Variants in SNTG1 observed in about 807,000 individuals in gnomAD.
SNTG1 encodes the protein gamma-1-syntrophin.
A neutral mutation model predicts 74.7 loss-of-function variants in SNTG1; 39 were observed. The ratio of observed to expected loss-of-function variants is 0.52; its 90% CI spans 0.40 to 0.68. The LOEUF (loss-of-function observed/expected upper bound fraction) is 0.68, where lower values mean the gene tolerates loss of function less well. SNTG1 is among the 30% of genes least tolerant of loss of function. The pLI is 0.00. For synonymous variants in SNTG1, 254 were observed against 217.1 expected (o/e 1.17, Z -1.49); for missense variants, 685 against 609.5 (o/e 1.12, Z -1.30).
At chr8:50,061,079 A>G (rs1032057330) in intron 1 of SNTG1, among the ~76,000 whole-genome samples, 5 of 152,112 alleles carry the variant, frequency 3.3e-5, no homozygotes, top group Non-Finnish European at 7.4e-5. Context: ...TTGGAAAATG[A>G]TCTCTTCTTT....
chr8:50,598,134 A>C (rs1485432386), intron 13 of SNTG1, among the ~76,000 whole-genome samples: 1 of 147,010 alleles, frequency 6.8e-6, no homozygotes, highest in African/African-American at 2.5e-5. Flanking sequence ...TATTTTAAAA[A>C]CTCCTTGCCC....
At chr8:49,945,736 A>G (rs146133600) in intron 1 of SNTG1, among the ~76,000 whole-genome samples, 11 of 152,212 alleles carry the variant, frequency 7.2e-5, no homozygotes, top group African/African-American at 2.4e-4. Flanking sequence ...GCACACAGGC[A>G]CTGAAGGCCT....
chr8:49,962,934 G>A (rs971926), intron 1 of SNTG1, among the ~76,000 whole-genome samples: 97,577 of 152,044 alleles, frequency 0.64, 35,409 homozygotes, highest in East Asian at 0.86. Context: ...GTTTGTAGCA[G>A]GGAGGCAGGC....
intron 17 of SNTG1, among the ~76,000 whole-genome samples, chr8:50,740,684 G>A (rs550304096): frequency 5.7e-4 from 86 of 152,032 alleles, no homozygotes; most frequent in Middle Eastern, 3.2e-3. Context: ...AAAGAGAGAT[G>A]CACAAGTATG....
chr8:50,783,174 C>T (rs376647280), intron 18 of SNTG1, among the ~76,000 whole-genome samples: 1 of 152,192 alleles, frequency 6.6e-6, no homozygotes. Flanking sequence ...AGGCAGTCTG[C>T]CCATTCTCAG....
chr8:50,527,092 T>G (rs1280954869), intron 9 of SNTG1, among the ~76,000 whole-genome samples: 3 of 152,202 alleles, frequency 2.0e-5, no homozygotes, highest in Non-Finnish European at 2.9e-5. Flanking sequence ...TCCTGATGAC[T>G]AATAATAATT....
chr8:50,323,166 A>T (rs2090599143), intron 2 of SNTG1, among the ~76,000 whole-genome samples: 1 of 151,698 alleles, frequency 6.6e-6, no homozygotes, highest in Non-Finnish European at 1.5e-5. Flanking sequence ...GCATTTTTCA[A>T]CTCCAAAATT....
At chr8:50,296,112 C>A (rs148164357) in intron 2 of SNTG1, among the ~76,000 whole-genome samples, 2 of 152,044 alleles carry the variant, frequency 1.3e-5, no homozygotes, top group Non-Finnish European at 2.9e-5. Flanking sequence ...ATGGAGAACA[C>A]CATGTTCTGC....
chr8:49,969,387 C>CTTTTT (rs575026898), intron 1 of SNTG1, among the ~76,000 whole-genome samples: 2 of 47,152 alleles, frequency 4.2e-5, no homozygotes, highest in African/African-American at 5.5e-5. Flanking sequence ...TTCATTTAAT[C>CTTTTT]TTTTTTTTTT....
intron 1 of SNTG1, among the ~76,000 whole-genome samples, chr8:50,155,921 C>A (rs529179049): frequency 1.2e-4 from 18 of 151,264 alleles, no homozygotes; most frequent in African/African-American, 4.4e-4. Flanking sequence ...ACAGAAAAAT[C>A]ACAATTTGTC....
chr8:50,073,962 T>C (rs182197865), intron 1 of SNTG1, among the ~76,000 whole-genome samples: 1 of 150,438 alleles, frequency 6.6e-6, no homozygotes, highest in East Asian at 1.9e-4. Flanking sequence ...CGCATCCTTC[T>C]TAAGGGCCCT....
intron 18 of SNTG1, among the ~76,000 whole-genome samples, chr8:50,760,289 A>T (rs1268371019): frequency 1.3e-5 from 2 of 152,104 alleles, no homozygotes; most frequent in African/African-American, 4.8e-5. Context: ...TCATCTGCAA[A>T]CAGAAATATT....
intron 18 of SNTG1, among the ~76,000 whole-genome samples, chr8:50,770,496 C>G (rs760989155): frequency 6.6e-6 from 1 of 151,986 alleles, no homozygotes; most frequent in Non-Finnish European, 1.5e-5. Context: ...TAAGACCCAG[C>G]ACCTCAGAAC....
chr8:50,188,064 T>C (rs978104425), intron 2 of SNTG1, among the ~76,000 whole-genome samples: 1 of 152,166 alleles, frequency 6.6e-6, no homozygotes, highest in Non-Finnish European at 1.5e-5. Flanking sequence ...CTGGCTGACA[T>C]CAACAGAACA....
chr8:50,322,612 A>G (rs1222217890), intron 2 of SNTG1, among the ~76,000 whole-genome samples: 1 of 152,084 alleles, frequency 6.6e-6, no homozygotes, highest in African/African-American at 2.4e-5. Flanking sequence ...ATTCCTTTGA[A>G]TAATTGTTCT....
chr8:50,307,442 A>G (rs2089946844), intron 2 of SNTG1, among the ~76,000 whole-genome samples: 1 of 151,888 alleles, frequency 6.6e-6, no homozygotes, highest in Non-Finnish European at 1.5e-5. Flanking sequence ...TATTTTCTCC[A>G]TTTATTTTTT....
rs992121552 is a variant in SNTG1 at position 50,091,350 on chromosome 8, A to G, written c.-102-81211A>G. On this transcript the variant is annotated intron_variant, in intron 1 of 18. Transcript: ENST00000642720. Reference sequence around the variant, plus strand: ...TACTCTTTTAGCAAACTTCCAGTATATAATACAGTATTACTAATCATAGTC... The same window carrying G: ...TACTCTTTTAGCAAACTTCCAGTATGTAATACAGTATTACTAATCATAGTC... Among the ~76,000 whole-genome samples the G allele has an allele frequency of 4.3e-4, 65 of 152,116 alleles. 2 individuals carry two copies. Among genetic ancestry groups the G allele is most frequent in the African/African-American group, 1.6e-3 (65 of 41,504 alleles).
intron 1 of SNTG1, among the ~76,000 whole-genome samples, chr8:49,955,001 A>T (rs1023673397): frequency 1.3e-5 from 2 of 152,200 alleles, no homozygotes; most frequent in African/African-American, 2.4e-5. Flanking sequence ...TCAAATCTGA[A>T]GTGTTTCCAT....
chr8:50,077,390 A>G (rs143533894), intron 1 of SNTG1, among the ~76,000 whole-genome samples: 1 of 152,294 alleles, frequency 6.6e-6, no homozygotes, highest in Non-Finnish European at 1.5e-5. Flanking sequence ...AGAGCTAAAT[A>G]CTTTATCTTC....
Sources: gnomAD v4.1 joint callset for allele counts (sites outside exome capture counted in the v4.1 genomes callset) on GRCh38, gnomAD v4.1.1 for gene constraint, MANE v1.5 for transcripts, NCBI Gene and HGNC (gene_info 2026-07-23, HGNC 2026-07-21) for gene names.